LDHA: variants seen among roughly 807,000 people sequenced by gnomAD.
LDHA encodes the protein L-lactate dehydrogenase A chain.
A neutral mutation model predicts 36.3 loss-of-function variants in LDHA; 10 were observed. The ratio of observed to expected loss-of-function variants is 0.28; its 90% CI spans 0.17 to 0.47. LDHA has a LOEUF of 0.47. LDHA is among the 20% of genes least tolerant of loss of function. The pLI is 0.99. For synonymous variants in LDHA, 110 were observed against 136.7 expected (o/e 0.80, Z 1.36); for missense variants, 267 against 405.8 (o/e 0.66, Z 2.94).
In LDHA at chr11:18,400,482, C is replaced by CACACACAT. The variant is rs1418975031; in HGVS notation, c.245-355_245-354insACACACAT. On this transcript the variant is annotated intron_variant, in intron 3 of 7. Transcript: ENST00000422447. ...ACACACACACACACACACACACACA[C>CACACACAT]GAAATTGCCTGTTCCTGGGCTGATA... is the stretch of plus-strand genomic sequence containing the variant. 69 of 344,076 alleles carry CACACACAT rather than the reference C, an allele frequency of 2.0e-4. 1 individual carries two copies. Among genetic ancestry groups the CACACACAT allele is most frequent in the African/African-American group, 3.6e-4 (16 of 44,630 alleles). 21.3% of individuals were successfully genotyped at this position (344,076 alleles called of 1,614,324 possible).
chr11:18,399,212 G>T (rs1260689643), intron 2 of LDHA: 1 of 516,144 alleles, frequency 1.9e-6, no homozygotes, highest in East Asian at 3.6e-5. Flanking sequence ...GCTCGCTTCA[G>T]TGGGGAGACA....
rs745967472 is a variant in LDHA at position 18,401,030 on chromosome 11, A to G, written c.418+20A>G. On this transcript the variant is annotated intron_variant, in intron 4 of 7. Coordinates refer to ENST00000422447, the MANE Select transcript of LDHA (RefSeq NM_005566.4). ...ATCCAGGTGAGGCTTTTGACTGCAT[A>G]AAAATTGACAAGCTATAGTAAAACT... 7 of 1,573,542 alleles carry G rather than the reference A, an allele frequency of 4.4e-6. No individual in the cohort carries two copies. The Admixed American group carries it at 1.0e-4, about 23-fold the overall frequency.
chr11:18,405,371 T>C (rs1866649242), intron 6 of LDHA, 78 bp from the exon 7 acceptor site: 1 of 1,406,960 alleles, frequency 7.1e-7, no homozygotes, highest in Admixed American at 1.7e-5. Context: ...GTAAAATGTG[T>C]ATTAATGAAA....
rs189345660 is a variant in LDHA at position 18,395,118 on chromosome 11, C to T, written c.-25+482C>T. 4.5e-4 allele frequency: 80 copies of T among 176,340 alleles called. No individual in the cohort carries two copies. In the East Asian group the frequency reaches 7.2e-3, roughly 16 times the overall value. The allele number at this position is 176,340 out of a possible 1,614,324, so 10.9% of individuals were successfully genotyped here. ...GCTTGCATTTTTCTCTTGGGACGCT[C>T]GAGAGGTGGGCTCCGTGAGGGCAGC... On this transcript the variant is annotated intron_variant, in intron 1 of 7. Coordinates refer to ENST00000422447, the MANE Select transcript of LDHA (RefSeq NM_005566.4).
Position 18,408,119 on chromosome 11 carries a change from T to G in LDHA, c.*838T>G. Reference sequence around the variant, plus strand: ...GTAAATGTAAAATTTATTTGCCAACTGAATATAGGCAATGATAGTGTGTCA... The same window carrying G: ...GTAAATGTAAAATTTATTTGCCAACGGAATATAGGCAATGATAGTGTGTCA... On this transcript the variant is annotated 3_prime_UTR_variant, in exon 8 of 8. Transcript: ENST00000422447. 2.2e-6 allele frequency: 1 copy of G among 454,052 alleles called. No homozygotes were observed. The highest frequency in any genetic ancestry group is 4.4e-6 in the Non-Finnish European group (1 of 226,760). 28.1% of individuals were successfully genotyped at this position (454,052 alleles called of 1,614,324 possible). A position where few individuals can be genotyped will look rare whatever the true frequency, so the allele number is the denominator to read the frequency against.
intron 4 of LDHA, among the ~76,000 whole-genome samples, chr11:18,401,630 A>G (rs1866506601): frequency 6.6e-6 from 1 of 151,108 alleles, no homozygotes; most frequent in South Asian, 2.1e-4. Flanking sequence ...GGTGCCCACC[A>G]CGACGCCTGG....
At chr11:18,401,495 T>G in intron 4 of LDHA, among the ~76,000 whole-genome samples, 1 of 136,212 alleles carries the variant, frequency 7.3e-6, no homozygotes, top group East Asian at 2.3e-4. Context: ...TTTTTTTTTT[T>G]GAGACGGAGT....
At chr11:18,401,073 ATATT>A in intron 4 of LDHA, 63 bp downstream of exon 4, 1 of 566,660 alleles carries the variant, frequency 1.8e-6, no homozygotes, top group Non-Finnish European at 2.6e-6. Context: ...TATGATATAT[ATATT>A]ATATATATTT....
intron 1 of LDHA, among the ~76,000 whole-genome samples, chr11:18,395,889 G>A (rs1866275255): frequency 6.6e-6 from 1 of 152,224 alleles, no homozygotes; most frequent in Admixed American, 6.5e-5. Flanking sequence ...TTTGCAACAA[G>A]GATCACGGCC....
chr11:18,395,899 C>A (rs7111748), intron 1 of LDHA, among the ~76,000 whole-genome samples: 99,146 of 152,154 alleles, frequency 0.65, 33,314 homozygotes, highest in South Asian at 0.76. Flanking sequence ...GGATCACGGC[C>A]GAAGCCACAC....
At chr11:18,406,414 T>TAAAAAAA (rs532942664) in intron 7 of LDHA, among the ~76,000 whole-genome samples, 15 of 97,174 alleles carry the variant, frequency 1.5e-4, no homozygotes, top group East Asian at 1.1e-3. Flanking sequence ...TTGCCTCTGT[T>TAAAAAAA]AAAAAAAAAA....
At chr11:18,403,911 T>A in intron 6 of LDHA, 100 bp downstream of exon 6, 1 of 784,442 alleles carries the variant, frequency 1.3e-6, no homozygotes. Context: ...GAACTTTTTG[T>A]TAGAAAACTT....
intron 4 of LDHA, among the ~76,000 whole-genome samples, chr11:18,401,955 C>CTTTTTTTTTTTTTTTTT (rs1554961218): frequency 4.0e-4 from 21 of 52,256 alleles, no homozygotes; most frequent in South Asian, 9.4e-4. Flanking sequence ...TTGTTATTCT[C>CTTTTTTTTTTTTTTTTT]TTTTTTTTTT....
chr11:18,403,148 TATA>T, intron 5 of LDHA, 135 bp downstream of exon 5: 1 of 736,228 alleles, frequency 1.4e-6, no homozygotes, highest in Non-Finnish European at 2.2e-6. Flanking sequence ...TAGCATTTTG[TATA>T]ATTATATGTT....
rs1446574201 is a variant in LDHA at position 18,403,804 on chromosome 11, G to A, written c.703G>A (p.Val235Ile). ...GTGGAAAGAGGTTCACAAGCAGGTG[G>A]TTGAGAGGTAATAAATCTTTCAATT... ...EQWKEVHKQV[V>I]ESAYEVIKLK... The change falls in exon 6 of 8, where the codon GTT becomes ATT. Residue 235 changes from valine (V) to isoleucine (I), a missense_variant. Transcript: ENST00000422447. The A allele has an allele frequency of 1.3e-6, 2 of 1,535,582 alleles. No individual in the cohort carries two copies. The highest frequency in any genetic ancestry group is 1.7e-4 in the Middle Eastern group (1 of 5,890).
At position 18,404,833 on chromosome 11, in the gene LDHA, G is replaced by C. The variant is rs1186463031; in HGVS notation, c.711-616G>C. Among the ~76,000 whole-genome samples the C allele has an allele frequency of 2.6e-4, 36 of 139,360 alleles. 1 individual carries two copies. In the Admixed American group the frequency reaches 2.6e-3, roughly 10 times the overall value. The allele number at this position is 139,360 out of a possible 152,430, so 91.4% of individuals were successfully genotyped here. Reference sequence around the variant, plus strand: ...AAAAAAAAAAGAATCATAATCTTTAGTTCATAACATATTCTTGTGATTGGT... The same window carrying C: ...AAAAAAAAAAGAATCATAATCTTTACTTCATAACATATTCTTGTGATTGGT... On this transcript the variant is annotated intron_variant, in intron 6 of 7. Transcript: ENST00000422447.
At chr11:18,400,132 C>CT (rs1866429451) in intron 3 of LDHA, 1 of 177,534 alleles carries the variant, frequency 5.6e-6, no homozygotes, top group Admixed American at 5.4e-5. Flanking sequence ...CATTGTGTTA[C>CT]TTACTTGCCC....
Position 18,407,904 on chromosome 11 carries a change from TATTA to T in LDHA, c.*627_*630del. ...AAAGTCATAAAGCTGCTAGTTATTA[TATTA>T]ATTTGGAAATATTAGGCTATTCTTG... is the stretch of plus-strand genomic sequence containing the variant. On this transcript the variant is annotated 3_prime_UTR_variant, in exon 8 of 8. Coordinates refer to ENST00000422447, the MANE Select transcript of LDHA (RefSeq NM_005566.4). The T allele has an allele frequency of 2.2e-6, 1 of 454,152 alleles. No individual in the cohort carries two copies. The highest frequency in any genetic ancestry group is 1.6e-5 in the South Asian group (1 of 64,476). 28.1% of individuals were successfully genotyped at this position (454,152 alleles called of 1,614,324 possible).
chr11:18,400,432 CACACACACACACACACACACACA>C, intron 3 of LDHA: 3 of 2,174 alleles, frequency 1.4e-3, no homozygotes, highest in Admixed American at 0.01. Flanking sequence ...ACCACCACCA[CACACACACACACACACACACACA>C]CACACACACA....
Sources: gnomAD v4.1 joint callset for allele counts (sites outside exome capture counted in the v4.1 genomes callset) on GRCh38, gnomAD v4.1.1 for gene constraint, MANE v1.5 for transcripts, NCBI Gene and HGNC (gene_info 2026-07-23, HGNC 2026-07-21) for gene names.